The following TMEM178B variants were observed in gnomAD, a reference collection of about 807,000 sequenced individuals.
TMEM178B encodes transmembrane protein 178B.
TMEM178B carries 5 observed loss-of-function variants against 31.0 expected under a neutral mutation model. That is an observed-to-expected ratio of 0.16 (90% CI 0.08 to 0.34). The LOEUF (loss-of-function observed/expected upper bound fraction) is 0.34. Among genes scored for constraint, TMEM178B ranks in the 10% least tolerant of loss-of-function variants. The pLI, the probability that TMEM178B is intolerant of heterozygous loss-of-function variation, is 1.00. For missense variants in TMEM178B, 275 were observed against 400.3 expected (o/e 0.69, Z 2.67); for synonymous variants, 164 against 164.0 (o/e 1.00, Z 0.00).
chr7:141,401,100 CTCT>C (rs1180258178), intron 2 of TMEM178B, among the ~76,000 whole-genome samples: 1 of 152,134 alleles, frequency 6.6e-6, no homozygotes. Flanking sequence ...GCCTGGGAGC[CTCT>C]TCTTCATCCT....
chr7:141,130,509 C>A (rs1795576930), intron 1 of TMEM178B, among the ~76,000 whole-genome samples: 1 of 152,136 alleles, frequency 6.6e-6, no homozygotes, highest in East Asian at 1.9e-4. Context: ...TGTGTAGCAG[C>A]AGTTTGTTCT....
chr7:141,086,133 T>A (rs185563335), intron 1 of TMEM178B, among the ~76,000 whole-genome samples: 1 of 152,186 alleles, frequency 6.6e-6, no homozygotes, highest in East Asian at 1.9e-4. Flanking sequence ...TCTCCTGGGT[T>A]CAGATGATTC....
intron 1 of TMEM178B, among the ~76,000 whole-genome samples, chr7:141,091,492 G>A (rs1794879468): frequency 6.6e-6 from 1 of 152,154 alleles, no homozygotes; most frequent in East Asian, 1.9e-4. Context: ...CAGCATGCCT[G>A]TATCAGCTTT....
chr7:141,493,753 G>T, the TMEM178B span, among the ~76,000 whole-genome samples: 1 of 152,106 alleles, frequency 6.6e-6, no homozygotes. Flanking sequence ...TCCTGTCAAT[G>T]CATATCTTCA....
intron 1 of TMEM178B, among the ~76,000 whole-genome samples, chr7:141,125,051 T>C (rs557078175): frequency 6.6e-6 from 1 of 152,324 alleles, no homozygotes; most frequent in African/African-American, 2.4e-5. Flanking sequence ...AGGCCCCCTA[T>C]TGGGGTGTTA....
At chr7:141,340,226 G>A (rs559065233) in intron 2 of TMEM178B, among the ~76,000 whole-genome samples, 2 of 152,190 alleles carry the variant, frequency 1.3e-5, no homozygotes, top group African/African-American at 4.8e-5. Context: ...AGAGCTTCCC[G>A]TGAAAGCATA....
intron 2 of TMEM178B, among the ~76,000 whole-genome samples, chr7:141,335,226 T>C (rs7792263): frequency 0.51 from 77,211 of 151,842 alleles, 20,869 homozygotes; most frequent in African/African-American, 0.7. Flanking sequence ...TGTTAGGAGA[T>C]GGGCAGAGGG....
chr7:141,407,456 A>C (rs1488364245), intron 2 of TMEM178B, among the ~76,000 whole-genome samples: 1 of 152,242 alleles, frequency 6.6e-6, no homozygotes, highest in African/African-American at 2.4e-5. Context: ...TGAAAATAGC[A>C]CCATGAATAA....
intron 2 of TMEM178B, among the ~76,000 whole-genome samples, chr7:141,258,573 C>T (rs1050399046): frequency 1.2e-4 from 18 of 151,544 alleles, no homozygotes; most frequent in Admixed American, 3.3e-4. Flanking sequence ...TGTGGATTCA[C>T]GTTACAGCCC....
chr7:141,392,391 C>G (rs114554570), intron 2 of TMEM178B, among the ~76,000 whole-genome samples: 4,647 of 152,250 alleles, frequency 0.031, 98 homozygotes, highest in African/African-American at 0.06. Context: ...CCAAATCTAA[C>G]AAGTGCTAAT....
intron 3 of TMEM178B, among the ~76,000 whole-genome samples, chr7:141,460,039 G>A (rs529647643): frequency 4.6e-5 from 7 of 152,038 alleles, no homozygotes; most frequent in Non-Finnish European, 1.0e-4. Context: ...TGGCCACAAG[G>A]TCTGGCCACA....
intron 1 of TMEM178B, among the ~76,000 whole-genome samples, chr7:141,098,203 T>C (rs754281653): frequency 2.0e-5 from 3 of 152,206 alleles, no homozygotes; most frequent in Non-Finnish European, 2.9e-5. Flanking sequence ...ATCTTTCCAA[T>C]TTATTATCTC....
intron 2 of TMEM178B, among the ~76,000 whole-genome samples, chr7:141,240,590 A>C (rs1797601584): frequency 6.6e-6 from 1 of 152,236 alleles, no homozygotes; most frequent in Non-Finnish European, 1.5e-5. Flanking sequence ...ACTTTTAAGA[A>C]TATTTCTGGG....
chr7:141,198,485 C>T (rs1278334708), intron 1 of TMEM178B, among the ~76,000 whole-genome samples: 1 of 152,240 alleles, frequency 6.6e-6, no homozygotes, highest in African/African-American at 2.4e-5. Flanking sequence ...TTTATCTTCT[C>T]TTTGTCCCTT....
rs575369422 is a variant in TMEM178B, at chr7:141,216,423, C to CTGTGTG, written c.496+3740_496+3745dup. Among the ~76,000 whole-genome samples, 559 of 89,414 alleles carry CTGTGTG rather than the reference C, an allele frequency of 6.3e-3. 21 individuals are homozygous for CTGTGTG. Among genetic ancestry groups the CTGTGTG allele is most frequent in the African/African-American group, 0.016 (415 of 26,508 alleles). The allele number at this position is 89,414 out of a possible 152,430, so 58.7% of individuals were successfully genotyped here. A position where few individuals can be genotyped will look rare whatever the true frequency, so the allele number is the denominator to read the frequency against. On this transcript the variant is annotated intron_variant, in intron 2 of 3. Transcript: ENST00000565468. ...GGGAGTAAAGGCCAGAGGATGAAGC[C>CTGTGTG]TGTGTGTGTGTGTGTGTGTGTGTGT...
chr7:141,492,783 C>T, the TMEM178B span, among the ~76,000 whole-genome samples: 1 of 152,252 alleles, frequency 6.6e-6, no homozygotes, highest in Middle Eastern at 3.2e-3. Context: ...AAACCCCATT[C>T]CTGACTCCTC....
chr7:141,167,262 A>G (rs910849176), intron 1 of TMEM178B, among the ~76,000 whole-genome samples: 1 of 152,318 alleles, frequency 6.6e-6, no homozygotes, highest in East Asian at 1.9e-4. Context: ...TGCAGGACTT[A>G]AGAAATCGCC....
the TMEM178B span, among the ~76,000 whole-genome samples, chr7:141,488,078 T>TA: frequency 0.019 from 2,626 of 141,422 alleles, 35 homozygotes; most frequent in African/African-American, 0.038. Context: ...GGTTGGGACC[T>TA]AAAAAAAAAA....
At chr7:141,246,474 A>C (rs1035653446) in intron 2 of TMEM178B, among the ~76,000 whole-genome samples, 2 of 152,228 alleles carry the variant, frequency 1.3e-5, no homozygotes, top group African/African-American at 4.8e-5. Flanking sequence ...AGACAAGAAG[A>C]TCTTCAATAA....
Sources: gnomAD v4.1 joint callset for allele counts (sites outside exome capture counted in the v4.1 genomes callset) on GRCh38, gnomAD v4.1.1 for gene constraint, MANE v1.5 for transcripts, NCBI Gene and HGNC (gene_info 2026-07-23, HGNC 2026-07-21) for gene names.